UBE4B: variants seen among roughly 807,000 people sequenced by gnomAD.
UBE4B encodes the protein ubiquitination factor E4B.
Under a neutral mutation model 148.1 loss-of-function variants are expected in UBE4B, and 27 were observed. The ratio of observed to expected loss-of-function variants is 0.18; its 90% confidence interval spans 0.13 to 0.25. UBE4B has a LOEUF of 0.25. Ranked by LOEUF, UBE4B falls within the 10% of genes least tolerant of loss-of-function variation. The pLI is 1.00. For synonymous variants in UBE4B, 596 were observed against 619.3 expected, an observed-to-expected ratio of 0.96 and a Z score of 0.56; for missense variants, 1,170 against 1,662.4, an observed-to-expected ratio of 0.70 and a Z score of 5.15.
rs148098020 is a variant in UBE4B at position 10,147,451 on chromosome 1, C to G, written c.2591+361C>G. Among the ~76,000 whole-genome samples the G allele has an allele frequency of 5.3e-3, 810 of 152,250 alleles. 3 individuals are homozygous for G. The highest frequency in any genetic ancestry group is 0.013 in the South Asian group (61 of 4,822). On this transcript the variant is annotated intron_variant, in intron 19 of 27. Coordinates refer to ENST00000343090, the MANE Select transcript of UBE4B (RefSeq NM_001105562.3). ...GAGGTTGCATTGAGCCGAGATCATG[C>G]TACTGCACTCCAGCCTGGGCGACAG... is the stretch of plus-strand genomic sequence containing the variant.
At chr1:10,070,278 A>C (rs1644462205) in intron 1 of UBE4B, among the ~76,000 whole-genome samples, 1 of 142,354 alleles carries the variant, frequency 7.0e-6, no homozygotes, top group Non-Finnish European at 1.5e-5. Context: ...CCGTCTCAGA[A>C]AAAAAAAAAA....
In UBE4B at chr1:10,156,234, CTTTTCTTT is replaced by C. The variant is rs1416784755; in HGVS notation, c.2927-2117_2927-2110del. On this transcript the variant is annotated intron_variant, in intron 21 of 27. Coordinates refer to ENST00000343090, the MANE Select transcript of UBE4B (RefSeq NM_001105562.3). ...AATGTATATTGTTTTGTTTCATTTT[CTTTTCTTT>C]TTTTTTTTTTTTTTTGAGCTAGGGT... is the stretch of plus-strand genomic sequence containing the variant. Among the ~76,000 whole-genome samples, 141 of 132,320 alleles carry C rather than the reference CTTTTCTTT, an allele frequency of 1.1e-3. 1 individual carries two copies. Among genetic ancestry groups the C allele is most frequent in the African/African-American group, 4.2e-3 (129 of 30,882 alleles). The allele number at this position is 132,320 out of a possible 152,430, so 86.8% of individuals were successfully genotyped here.
At chr1:10,159,521 A>G (rs1469565272) in intron 22 of UBE4B, among the ~76,000 whole-genome samples, 1 of 152,126 alleles carries the variant, frequency 6.6e-6, no homozygotes, top group Non-Finnish European at 1.5e-5. Flanking sequence ...AAATACCAAA[A>G]AATTAGCCAG....
At position 10,033,067 on chromosome 1, in the gene UBE4B, C is replaced by G. The variant is rs1643358048; in HGVS notation, c.-604C>G. On this transcript the variant is annotated 5_prime_UTR_variant, in exon 1 of 28. Coordinates refer to ENST00000343090, the MANE Select transcript of UBE4B (RefSeq NM_001105562.3). ...GGATTTACTCTTCCAGCGAGAGCTA[C>G]GCGCATCCCATCCTCCCCCTCCCCC... is the stretch of plus-strand genomic sequence containing the variant. 6.6e-6 allele frequency: 1 copy of G among 152,374 alleles called. No individual in the cohort carries two copies. The highest frequency in any genetic ancestry group is 1.5e-5 in the Non-Finnish European group (1 of 68,184). The allele number at this position is 152,374 out of a possible 1,614,324, so 9.4% of individuals were successfully genotyped here. A position where few individuals can be genotyped will look rare whatever the true frequency, so the allele number is the denominator to read the frequency against.
In UBE4B at chr1:10,072,697, G is replaced by C. The variant is rs1056760074; in HGVS notation, c.211+483G>C. 7 of 496,680 alleles carry C rather than the reference G, an allele frequency of 1.4e-5. No individual in the cohort carries two copies. The Admixed American group carries it at 1.9e-4, about 13-fold the overall frequency. The allele number at this position is 496,680 out of a possible 1,614,324, so 30.8% of individuals were successfully genotyped here. ...ATGTTTAGAACTATCTCATTAAAAAGTAAAAGTTTATTTCTTTATAATAAA... is the reference window on the plus strand; with the variant it reads ...ATGTTTAGAACTATCTCATTAAAAACTAAAAGTTTATTTCTTTATAATAAA... On this transcript the variant is annotated intron_variant, in intron 2 of 27. Transcript: ENST00000343090.
chr1:10,095,393 G>T, intron 2 of UBE4B, 68 bp from the exon 3 acceptor site: 1 of 1,587,006 alleles, frequency 6.3e-7, no homozygotes, highest in Non-Finnish European at 8.6e-7. Context: ...CGTGTTTACT[G>T]TCGCTATTAC....
chr1:10,165,742 C>A (rs114826600), intron 23 of UBE4B, among the ~76,000 whole-genome samples: 2,490 of 152,270 alleles, frequency 0.016, 27 homozygotes, highest in Middle Eastern at 0.024. Context: ...TTCAGATATA[C>A]CCTCCCTCAG....
chr1:10,172,942 C>T (rs1646359258), intron 25 of UBE4B, among the ~76,000 whole-genome samples: 1 of 152,178 alleles, frequency 6.6e-6, no homozygotes, highest in Non-Finnish European at 1.5e-5. Flanking sequence ...GGATTCAGTA[C>T]AGTCCCACAC....
In UBE4B at chr1:10,106,694, G is replaced by T; in HGVS notation, c.1196+111G>T. 1 of 1,384,684 alleles carries T rather than the reference G, an allele frequency of 7.2e-7. No homozygotes were observed. Among genetic ancestry groups the T allele is most frequent in the Non-Finnish European group, 9.5e-7 (1 of 1,058,062 alleles). 85.8% of individuals were successfully genotyped at this position (1,384,684 alleles called of 1,614,324 possible). A position where few individuals can be genotyped will look rare whatever the true frequency, so the allele number is the denominator to read the frequency against. On this transcript the variant is annotated intron_variant, in intron 7 of 27. Transcript: ENST00000343090. This position sits in a 1 kb window ranked among gnomAD's most constrained non-coding sequence, Gnocchi z 4.2. The stretch of plus-strand genomic sequence containing the variant: ...CTGACTCTGTTAAATTGTTGTTTTG[G>T]GTTATTAACCTGTGTGGCTAACTAG...
At chr1:10,035,295 C>G (rs967836748) in intron 1 of UBE4B, among the ~76,000 whole-genome samples, 10 of 151,152 alleles carry the variant, frequency 6.6e-5, no homozygotes, top group African/African-American at 2.2e-4. Flanking sequence ...CCGCGCCTGG[C>G]CTGTTTTATG....
At chr1:10,057,913 G>A (rs1383434299) in intron 1 of UBE4B, among the ~76,000 whole-genome samples, 1 of 152,160 alleles carries the variant, frequency 6.6e-6, no homozygotes, top group Non-Finnish European at 1.5e-5. Context: ...AAGCATGGGA[G>A]GCAGTGGAGG....
chr1:10,077,897 T>G (rs374105220), intron 2 of UBE4B, among the ~76,000 whole-genome samples: 4 of 152,232 alleles, frequency 2.6e-5, no homozygotes, highest in Non-Finnish European at 5.9e-5. Context: ...TATTTCTTCA[T>G]GTTTTACTGC....
chr1:10,129,735 A>G (rs1367574441), intron 12 of UBE4B, among the ~76,000 whole-genome samples: 1 of 151,636 alleles, frequency 6.6e-6, no homozygotes, highest in Non-Finnish European at 1.5e-5. Context: ...ACTGCAGCCT[A>G]CGCCTCCTGG....
In UBE4B at chr1:10,106,422, C is replaced by T. The variant is rs1427185409; in HGVS notation, c.1035C>T (p.Ser345=). The change falls in exon 7 of 28, where the codon TCC becomes TCT. Residue 345 remains serine (S), a synonymous_variant. Coordinates refer to ENST00000343090, the MANE Select transcript of UBE4B (RefSeq NM_001105562.3). This position sits in a 1 kb window ranked among gnomAD's most constrained non-coding sequence, Gnocchi z 4.2. ...VTHPWASSGV[S]ILSSSPSPPA... ...ACCCATGGGCGTCCTCAGGCGTCTC[C>T]ATTCTGTCGAGCTCCCCAAGTCCCC... The T allele has an allele frequency of 1.2e-6, 2 of 1,613,804 alleles. No individual in the cohort carries two copies. Among genetic ancestry groups the T allele is most frequent in the East Asian group, 4.5e-5 (2 of 44,866 alleles).
At chr1:10,067,498 A>G (rs1254069260) in intron 1 of UBE4B, among the ~76,000 whole-genome samples, 4 of 152,274 alleles carry the variant, frequency 2.6e-5, no homozygotes, top group South Asian at 2.1e-4. Flanking sequence ...CAAGTAAACA[A>G]TGAGAAAAAT....
rs1645419284 is a variant in UBE4B, at chr1:10,122,007, G to A, written c.1485G>A (p.Arg495=). 1 of 1,613,682 alleles carries A rather than the reference G, an allele frequency of 6.2e-7. No homozygotes were observed. The highest frequency in any genetic ancestry group is 1.1e-5 in the South Asian group (1 of 91,052). The change falls in exon 10 of 28, where the codon AGG becomes AGA. Residue 495 remains arginine (R), a synonymous_variant. Coordinates refer to ENST00000343090, the MANE Select transcript of UBE4B (RefSeq NM_001105562.3). Reference sequence around the variant, plus strand: ...TCCTAGTGCCGTATATGCTGTGTAGGAATCTCCCATATGGCTTCATTCAGG... The same window carrying A: ...TCCTAGTGCCGTATATGCTGTGTAGAAATCTCCCATATGGCTTCATTCAGG... ...PSFLVPYMLC[R]NLPYGFIQEL...
intron 10 of UBE4B, among the ~76,000 whole-genome samples, chr1:10,125,510 TTA>T (rs1302885419): frequency 1.3e-5 from 2 of 152,248 alleles, no homozygotes; most frequent in Non-Finnish European, 2.9e-5. Flanking sequence ...CACCTGTGTT[TTA>T]TACTGTGCTC....
intron 2 of UBE4B, among the ~76,000 whole-genome samples, chr1:10,089,204 A>G (rs571900447): frequency 4.7e-4 from 71 of 152,032 alleles, no homozygotes; most frequent in African/African-American, 1.6e-3. Context: ...ACAGGGTTTC[A>G]CCATATTGGC....
At chr1:10,150,597 C>T (rs1570985014) in intron 20 of UBE4B, among the ~76,000 whole-genome samples, 1 of 152,322 alleles carries the variant, frequency 6.6e-6, no homozygotes, top group East Asian at 1.9e-4. Flanking sequence ...TGCAATGGCT[C>T]ATGCCTGTAA....
Sources: gnomAD v4.1 joint callset for allele counts (sites outside exome capture counted in the v4.1 genomes callset) on GRCh38, gnomAD v4.1.1 for gene constraint, Gnocchi (gnomAD v3.1) non-coding constraint, MANE v1.5 for transcripts, NCBI Gene and HGNC (gene_info 2026-07-23, HGNC 2026-07-21) for gene names.